NPHP4: variants seen among roughly 807,000 people sequenced by gnomAD.
NPHP4 encodes the protein nephrocystin-4.
A neutral mutation model predicts 155.8 loss-of-function variants in NPHP4; 151 were observed. The ratio of observed to expected loss-of-function variants is 0.97; its 90% CI spans 0.85 to 1.11. NPHP4 has a LOEUF of 1.11. NPHP4 is among the 50% of genes least tolerant of loss of function. The pLI, the probability that NPHP4 is intolerant of heterozygous loss-of-function variation, is 0.00. For missense variants in NPHP4, 1,956 were observed against 1,925.7 expected, an observed-to-expected ratio of 1.02 and a Z score of -0.29; for synonymous variants, 845 against 816.8, an observed-to-expected ratio of 1.03 and a Z score of -0.59.
At chr1:5,931,077 G>GTAA (rs1374159870) in intron 10 of NPHP4, among the ~76,000 whole-genome samples, 1 of 152,084 alleles carries the variant, frequency 6.6e-6, no homozygotes, top group African/African-American at 2.4e-5. Flanking sequence ...AGTGTCAATA[G>GTAA]TAATATACCC....
Position 5,905,619 on chromosome 1 carries a change from A to G in NPHP4, c.1763+13T>C, listed in dbSNP as rs1359170988. ...ACGTGACTGGTTCCATCCCACCCAGACCCACACCTCACCTCCTGGTCTGGG... is the reference window on the plus strand; with the variant it reads ...ACGTGACTGGTTCCATCCCACCCAGGCCCACACCTCACCTCCTGGTCTGGG... On this transcript the variant is annotated intron_variant, in intron 14 of 29. Coordinates refer to ENST00000378156, the MANE Select transcript of NPHP4 (RefSeq NM_015102.5). The surrounding 1 kb of genome is among the most constrained non-coding windows in gnomAD (Gnocchi z 4.0). 6.2e-7 allele frequency: 1 copy of G among 1,613,712 alleles called. No individual in the cohort carries two copies. The highest frequency in any genetic ancestry group is 1.7e-5 in the Admixed American group (1 of 59,994).
intron 3 of NPHP4, among the ~76,000 whole-genome samples, chr1:5,977,279 G>A (rs546043297): frequency 9.2e-5 from 14 of 152,100 alleles, no homozygotes; most frequent in Admixed American, 3.3e-4. Flanking sequence ...AACCCCACCC[G>A]TCAGCAAACC....
chr1:5,888,258 C>A (rs1643920788), intron 17 of NPHP4: 1 of 848,712 alleles, frequency 1.2e-6, no homozygotes, highest in Non-Finnish European at 1.4e-6. Flanking sequence ...CGAACGCCAA[C>A]ACTGTGAGGC....
At chr1:5,971,839 T>A (rs764469829) in intron 3 of NPHP4, among the ~76,000 whole-genome samples, 13 of 150,966 alleles carry the variant, frequency 8.6e-5, no homozygotes, top group Non-Finnish European at 1.3e-4. Context: ...CAGGGCAAGG[T>A]CACTGGAGAC....
At chr1:5,918,403 A>G (rs141909355) in intron 11 of NPHP4, among the ~76,000 whole-genome samples, 252 of 152,364 alleles carry the variant, frequency 1.7e-3, no homozygotes, top group Non-Finnish European at 2.9e-3. Context: ...TAAAAGATGT[A>G]CTTGGAAGAA....
In NPHP4 at chr1:5,865,170, G is replaced by A. The variant is rs1041575948; in HGVS notation, c.3748C>T (p.Leu1250Phe). ...ACTGTCTGTGTCCCCCGAAGGACAAGGGACAGGCGGGTCAGCTGGCCTGCG... is the reference window on the plus strand; with the variant it reads ...ACTGTCTGTGTCCCCCGAAGGACAAAGGACAGGCGGGTCAGCTGGCCTGCG... ...CVAGQLTRLS[L>F]VLRGTQTVRK... The change falls in exon 27 of 30, where the codon CTT (leucine) becomes TTT (phenylalanine). Residue 1250 changes from leucine (L) to phenylalanine (F), a missense_variant. Leu to Phe is a conservative substitution (Grantham distance 22). Coordinates refer to ENST00000378156, the MANE Select transcript of NPHP4 (RefSeq NM_015102.5). 25 of 1,613,264 alleles carry A rather than the reference G, an allele frequency of 1.5e-5. No individual in the cohort carries two copies. In the East Asian group the frequency reaches 5.6e-4, roughly 36 times the overall value.
At chr1:5,899,987 G>T (rs540990486) in intron 16 of NPHP4, among the ~76,000 whole-genome samples, 3 of 152,294 alleles carry the variant, frequency 2.0e-5, no homozygotes, top group African/African-American at 7.2e-5. Flanking sequence ...GGTCACTAGA[G>T]AACTGCAAAT....
intron 5 of NPHP4, among the ~76,000 whole-genome samples, chr1:5,964,941 A>ATATATATATATTTTTTTTTTTTTT: frequency 5.0e-5 from 3 of 59,410 alleles, no homozygotes; most frequent in African/African-American, 2.5e-4. Context: ...ATATATATAT[A>ATATATATATATTTTTTTTTTTTTT]TTTTTTTTTT....
intron 21 of NPHP4, 50 bp from the exon 22 acceptor site, chr1:5,874,707 C>T (rs1467992551): frequency 1.9e-6 from 3 of 1,586,432 alleles, no homozygotes; most frequent in Non-Finnish European, 2.6e-6. Flanking sequence ...CAGGAGGACC[C>T]ACAGGAGGCT....
chr1:5,962,027 G>C, intron 5 of NPHP4, 78 bp from the exon 6 acceptor site: 1 of 1,132,074 alleles, frequency 8.8e-7, no homozygotes, highest in East Asian at 2.4e-5. Flanking sequence ...AATTAACAGA[G>C]AATGTTAGAA....
chr1:5,864,850 C>G, intron 27 of NPHP4: 2 of 558,146 alleles, frequency 3.6e-6, no homozygotes, highest in East Asian at 5.7e-5. Context: ...AACACCAGAG[C>G]TCCTGTCACT....
At chr1:5,868,235 C>T (rs1358587791) in intron 23 of NPHP4, 1 of 394,692 alleles carries the variant, frequency 2.5e-6, no homozygotes, top group African/African-American at 2.1e-5. Flanking sequence ...ATGATCCCAC[C>T]TCCCGACACC....
At chr1:5,964,941 A>ATATATATATATTTTTTTTTTTTT in intron 5 of NPHP4, among the ~76,000 whole-genome samples, 15 of 59,358 alleles carry the variant, frequency 2.5e-4, no homozygotes, top group East Asian at 3.9e-4. Context: ...ATATATATAT[A>ATATATATATATTTTTTTTTTTTT]TTTTTTTTTT....
At chr1:5,919,890 C>T (rs1305400770) in intron 11 of NPHP4, among the ~76,000 whole-genome samples, 17 of 152,104 alleles carry the variant, frequency 1.1e-4, no homozygotes, top group Admixed American at 1.1e-3. Context: ...CAGGCACATG[C>T]TACCACACCC....
At chr1:5,991,066 G>A (rs935846111) in intron 1 of NPHP4, among the ~76,000 whole-genome samples, 1 of 152,144 alleles carries the variant, frequency 6.6e-6, no homozygotes, top group Non-Finnish European at 1.5e-5. Context: ...GAAGGAAGAT[G>A]CAGGGGGTGG....
At chr1:5,951,163 G>A (rs1647925044) in intron 7 of NPHP4, among the ~76,000 whole-genome samples, 1 of 152,248 alleles carries the variant, frequency 6.6e-6, no homozygotes, top group African/African-American at 2.4e-5. Flanking sequence ...GGAGGAAGGT[G>A]CAGCCGGAGG....
intron 18 of NPHP4, among the ~76,000 whole-genome samples, chr1:5,883,760 G>A (rs1157121361): frequency 2.6e-5 from 4 of 152,186 alleles, no homozygotes; most frequent in Non-Finnish European, 5.9e-5. Context: ...TCGCAGACGA[G>A]GCCTCTGGTC....
chr1:5,864,209 A>C (rs1398158889), intron 28 of NPHP4, 129 bp downstream of exon 28: 5 of 1,136,396 alleles, frequency 4.4e-6, no homozygotes, highest in Non-Finnish European at 5.0e-6. Context: ...GCAAACACTC[A>C]TGCACCCGGC....
chr1:5,905,227 C>A lies in NPHP4; in HGVS notation c.1955+65G>T. 7.5e-7 allele frequency: 1 copy of A among 1,334,794 alleles called. No homozygotes were observed. Among genetic ancestry groups the A allele is most frequent in the South Asian group, 1.2e-5 (1 of 85,180 alleles). The allele number at this position is 1,334,794 out of a possible 1,614,324, so 82.7% of individuals were successfully genotyped here. A position where few individuals can be genotyped will look rare whatever the true frequency, so the allele number is the denominator to read the frequency against. On this transcript the variant is annotated intron_variant, in intron 15 of 29. Coordinates refer to ENST00000378156, the MANE Select transcript of NPHP4 (RefSeq NM_015102.5). The surrounding 1 kb of genome is among the most constrained non-coding windows in gnomAD (Gnocchi z 4.0). ...CAGTTCTGCCAGGTCAGAACCTCAG[C>A]GAAGTTTCTCTTCAACACAGGAAAT...
Sources: gnomAD v4.1 joint callset for allele counts (sites outside exome capture counted in the v4.1 genomes callset) on GRCh38, gnomAD v4.1.1 for gene constraint, Gnocchi (gnomAD v3.1) non-coding constraint, MANE v1.5 for transcripts, NCBI Gene and HGNC (gene_info 2026-07-23, HGNC 2026-07-21) for gene names.